Variants in CNKSR2 observed in about 807,000 individuals in gnomAD.
CNKSR2 encodes the protein connector enhancer of kinase suppressor of Ras 2.
In CNKSR2, 14 loss-of-function variants were observed where a neutral mutation model predicts 84.4. The ratio of observed to expected loss-of-function variants is 0.17; its 90% CI spans 0.11 to 0.26. CNKSR2 has a LOEUF of 0.26. Among genes scored for constraint, CNKSR2 ranks in the 10% least tolerant of loss-of-function variants. The probability of loss-of-function intolerance (pLI) is 1.00; values close to 1 mark genes in which losing one functional copy is unlikely to be tolerated. For missense variants in CNKSR2, 485 were observed against 771.2 expected (o/e 0.63, Z 4.40); for synonymous variants, 275 against 277.9 (o/e 0.99, Z 0.10).
chrX:21,518,372 CTTT>C (rs2091749452), intron 9 of CNKSR2, among the ~76,000 whole-genome samples: 1 of 111,301 alleles, frequency 9.0e-6, no homozygotes, highest in South Asian at 3.8e-4. Flanking sequence ...AATACCTCTT[CTTT>C]AGTCCCTCAT....
intron 1 of CNKSR2, among the ~76,000 whole-genome samples, chrX:21,376,896 A>G (rs958389213): frequency 8.9e-6 from 1 of 111,889 alleles, no homozygotes; most frequent in Admixed American, 9.4e-5. Context: ...GTTTAGGTCC[A>G]CTGAAGCAAG....
chrX:21,401,648 C>G (rs2090192886), intron 1 of CNKSR2, among the ~76,000 whole-genome samples: 1 of 111,993 alleles, frequency 8.9e-6, no homozygotes, highest in Non-Finnish European at 1.9e-5. Flanking sequence ...CAATCCCTAT[C>G]TTTTGGTTAA....
At chrX:21,585,953 C>A (rs1310162414) in intron 13 of CNKSR2, among the ~76,000 whole-genome samples, 2 of 111,465 alleles carry the variant, frequency 1.8e-5, no homozygotes, top group Non-Finnish European at 3.8e-5. Context: ...CAAGCTTGTG[C>A]TTTAAATTCA....
intron 13 of CNKSR2, among the ~76,000 whole-genome samples, chrX:21,578,449 CTA>C (rs1459996741): frequency 1.8e-5 from 2 of 109,387 alleles, no homozygotes; most frequent in African/African-American, 6.7e-5. Context: ...ATATATATAG[CTA>C]TATAGGTCAG....
intron 21 of CNKSR2, among the ~76,000 whole-genome samples, chrX:21,651,420 G>A (rs1169893660): frequency 1.8e-5 from 2 of 111,234 alleles, no homozygotes; most frequent in African/African-American, 6.6e-5. Flanking sequence ...TCCCACCACA[G>A]GCAACTCACA....
At chrX:21,564,792 G>C (rs2092224405) in intron 13 of CNKSR2, among the ~76,000 whole-genome samples, 1 of 109,569 alleles carries the variant, frequency 9.1e-6, no homozygotes, top group African/African-American at 3.3e-5. Context: ...AGCACTCCTA[G>C]GTGCCTCATT....
intron 1 of CNKSR2, 138 bp from the exon 2 acceptor site, chrX:21,426,359 G>A (rs759221997): frequency 3.9e-5 from 20 of 508,659 alleles, no homozygotes; most frequent in Admixed American, 2.4e-4. Context: ...AAGAAAGGGC[G>A]AAGGATTTGG....
intron 1 of CNKSR2, among the ~76,000 whole-genome samples, chrX:21,402,084 T>C (rs1029025382): frequency 3.6e-5 from 4 of 110,932 alleles, no homozygotes; most frequent in African/African-American, 1.3e-4. Context: ...CCCTTATTTT[T>C]CTCTAGTTCA....
chrX:21,521,149 G>A (rs1484555246), intron 9 of CNKSR2, among the ~76,000 whole-genome samples: 1 of 109,761 alleles, frequency 9.1e-6, no homozygotes, highest in East Asian at 2.9e-4. Context: ...GCAGGTCGTT[G>A]TGACTGAAAA....
chrX:21,452,001 T>G (rs1172184568), intron 4 of CNKSR2, among the ~76,000 whole-genome samples: 1 of 111,855 alleles, frequency 8.9e-6, no homozygotes, highest in East Asian at 2.8e-4. Flanking sequence ...CTCTTCAGGC[T>G]GTCAAAACAC....
Position 21,652,260 on chromosome X carries a change from T to A in CNKSR2, c.2890-46T>A, listed in dbSNP as rs1324081922. The A allele has an allele frequency of 3.8e-6, 4 of 1,063,407 alleles. No individual in the cohort carries two copies. The African/African-American group carries it at 7.5e-5, about 20-fold the overall frequency. 87.6% of individuals were successfully genotyped at this position (1,063,407 alleles called of 1,213,427 possible). On this transcript the variant is annotated intron_variant, in intron 21 of 21. Coordinates refer to ENST00000379510, the MANE Select transcript of CNKSR2 (RefSeq NM_014927.5). ...ATTAACTTTTTATTTTAAACTTGAA[T>A]AAAACTTTGTCCCTGTCTTAATTGT... is the stretch of plus-strand genomic sequence containing the variant.
chrX:21,438,480 G>C (rs1240656513), intron 3 of CNKSR2, among the ~76,000 whole-genome samples: 2 of 110,913 alleles, frequency 1.8e-5, no homozygotes, highest in Non-Finnish European at 3.8e-5. Flanking sequence ...TGGGGCGCTT[G>C]GTTAAGCCTT....
intron 5 of CNKSR2, among the ~76,000 whole-genome samples, chrX:21,473,470 C>G (rs1424867367): frequency 9.1e-6 from 1 of 109,387 alleles, no homozygotes; most frequent in Admixed American, 9.8e-5. Flanking sequence ...TTCTAGATCT[C>G]TATAGTGTAG....
chrX:21,623,521 AGT>A (rs2092610684), intron 20 of CNKSR2, among the ~76,000 whole-genome samples: 1 of 111,959 alleles, frequency 8.9e-6, no homozygotes, highest in Admixed American at 9.5e-5. Flanking sequence ...TTTAATGAAG[AGT>A]GGTGTTGCAC....
chrX:21,508,068 G>A (rs755185449), intron 8 of CNKSR2, among the ~76,000 whole-genome samples: 3 of 112,660 alleles, frequency 2.7e-5, no homozygotes, highest in Non-Finnish European at 5.6e-5. Context: ...GCTCATGCCT[G>A]TAATTCCAGC....
chrX:21,551,987 G>A (rs759444525), intron 11 of CNKSR2, among the ~76,000 whole-genome samples: 6 of 109,993 alleles, frequency 5.5e-5, no homozygotes, highest in African/African-American at 1.7e-4. Context: ...GGTTGTTAGC[G>A]TCAGGGATTA....
chrX:21,548,602 G>A (rs1377741450), intron 11 of CNKSR2, among the ~76,000 whole-genome samples: 2 of 111,563 alleles, frequency 1.8e-5, no homozygotes, highest in African/African-American at 6.5e-5. Flanking sequence ...ACCAAAACCT[G>A]GCAGAGACAC....
rs373349556 is a variant in CNKSR2, at chrX:21,542,937, T to C, written c.1303+10870T>C. On this transcript the variant is annotated intron_variant, in intron 11 of 21. Coordinates refer to ENST00000379510, the MANE Select transcript of CNKSR2 (RefSeq NM_014927.5). ...AATGTTACTTGTACACATTGTGCATTGAGGAAAATTAATCTCTGTAACATT... is the reference window on the plus strand; with the variant it reads ...AATGTTACTTGTACACATTGTGCATCGAGGAAAATTAATCTCTGTAACATT... Among the ~76,000 whole-genome samples, 33 of 112,400 alleles carry C rather than the reference T, an allele frequency of 2.9e-4. No homozygotes were observed. The South Asian group carries it at 0.011, about 39-fold the overall frequency.
At chrX:21,597,913 T>TA (rs933083005) in intron 17 of CNKSR2, among the ~76,000 whole-genome samples, 4 of 108,650 alleles carry the variant, frequency 3.7e-5, no homozygotes, top group African/African-American at 1.3e-4. Context: ...GTTCCTCATT[T>TA]AAAAAAAACA....
Sources: gnomAD v4.1 joint callset for allele counts (sites outside exome capture counted in the v4.1 genomes callset) on GRCh38, gnomAD v4.1.1 for gene constraint, MANE v1.5 for transcripts, NCBI Gene and HGNC (gene_info 2026-07-23, HGNC 2026-07-21) for gene names.